The following PDE4D variants were observed in gnomAD, a reference collection of about 807,000 sequenced individuals.
The protein encoded by PDE4D is 3',5'-cyclic-AMP phosphodiesterase 4D.
PDE4D carries 24 observed loss-of-function variants against 87.4 expected under a neutral mutation model. The ratio of observed to expected loss-of-function variants is 0.27; its 90% CI spans 0.20 to 0.39. PDE4D has a LOEUF of 0.39. Ranked by LOEUF, PDE4D falls within the 10% of genes least tolerant of loss-of-function variation. The pLI, the probability that PDE4D is intolerant of heterozygous loss-of-function variation, is 1.00. For missense variants in PDE4D, 714 were observed against 1,041.0 expected (o/e 0.69, Z 4.32); for synonymous variants, 384 against 383.2 (o/e 1.00, Z -0.02).
chr5:59,032,538 C>G (rs1473379914), intron 6 of PDE4D, among the ~76,000 whole-genome samples: 1 of 152,214 alleles, frequency 6.6e-6, no homozygotes, highest in Non-Finnish European at 1.5e-5. Context: ...GAGATCGTAT[C>G]ACTGTACTCC....
chr5:59,640,091 G>A (rs920629243), intron 1 of PDE4D, among the ~76,000 whole-genome samples: 2 of 152,092 alleles, frequency 1.3e-5, no homozygotes, highest in African/African-American at 4.8e-5. Flanking sequence ...TCCCAGTGAA[G>A]AATAAACATC....
At chr5:59,793,991 C>T in intron 1 of PDE4D, among the ~76,000 whole-genome samples, 1 of 152,086 alleles carries the variant, frequency 6.6e-6, no homozygotes, top group Non-Finnish European at 1.5e-5. Flanking sequence ...TGGTATTTGC[C>T]AATATGGGAC....
intron 1 of PDE4D, among the ~76,000 whole-genome samples, chr5:59,330,530 G>A (rs1041147913): frequency 1.3e-5 from 2 of 152,004 alleles, no homozygotes; most frequent in African/African-American, 4.8e-5. Flanking sequence ...CTAATCTCAC[G>A]TATTCACACT....
At chr5:60,282,537 G>GAAACAAATA (rs1562285751) in intron 1 of PDE4D, among the ~76,000 whole-genome samples, 1 of 151,962 alleles carries the variant, frequency 6.6e-6, no homozygotes, top group Non-Finnish European at 1.5e-5. Flanking sequence ...GATTTCAAAT[G>GAAACAAATA]AAACAAATAA....
rs1212000629 is a variant in PDE4D at position 59,526,513 on chromosome 5, T to C, written c.456-310545A>G. Among the ~76,000 whole-genome samples, 3 of 152,236 alleles carry C rather than the reference T, an allele frequency of 2.0e-5. No homozygotes were observed. In the East Asian group the frequency reaches 5.8e-4, roughly 29 times the overall value. On this transcript the variant is annotated intron_variant, in intron 1 of 14. Coordinates refer to ENST00000340635, the MANE Select transcript of PDE4D (RefSeq NM_001104631.2). Reference sequence around the variant, plus strand: ...AAAGCCAAACTCATATATATTCTTATTATCTACAACAATTACTGTTTCAGG... The same window carrying C: ...AAAGCCAAACTCATATATATTCTTACTATCTACAACAATTACTGTTTCAGG...
chr5:60,038,180 T>C (rs1768031176), intron 2 of PDE4D, among the ~76,000 whole-genome samples: 1 of 152,226 alleles, frequency 6.6e-6, no homozygotes, highest in Non-Finnish European at 1.5e-5. Flanking sequence ...TTTGGTGTTT[T>C]AGACATGAAG....
chr5:60,497,420 T>C (rs1749865802), intron 1 of PDE4D, among the ~76,000 whole-genome samples: 1 of 152,128 alleles, frequency 6.6e-6, no homozygotes, highest in African/African-American at 2.4e-5. Flanking sequence ...TTTTTGTTTT[T>C]GAGGCAGGAT....
At chr5:59,838,517 T>G (rs752629743) in intron 1 of PDE4D, among the ~76,000 whole-genome samples, 5 of 152,104 alleles carry the variant, frequency 3.3e-5, no homozygotes, top group Non-Finnish European at 7.4e-5. Context: ...GGAGGCCTAC[T>G]TCCATCCTAC....
intron 1 of PDE4D, among the ~76,000 whole-genome samples, chr5:59,772,491 A>AT (rs1763677219): frequency 1.3e-5 from 2 of 152,150 alleles, no homozygotes; most frequent in South Asian, 2.1e-4. Flanking sequence ...AATTTGTGGG[A>AT]TTTTTTAGAT....
At chr5:59,397,126 T>TA (rs1789571503) in intron 1 of PDE4D, among the ~76,000 whole-genome samples, 1 of 124,234 alleles carries the variant, frequency 8.0e-6, no homozygotes, top group South Asian at 2.8e-4. Flanking sequence ...CACACATTAA[T>TA]AATGGGAGAC....
At chr5:59,502,732 T>G (rs2153665019) in intron 1 of PDE4D, among the ~76,000 whole-genome samples, 1 of 150,894 alleles carries the variant, frequency 6.6e-6, no homozygotes, top group East Asian at 2.0e-4. Context: ...ATCTCTTTTT[T>G]TGTAAAACTC....
chr5:59,882,519 T>C (rs768308004), intron 1 of PDE4D, among the ~76,000 whole-genome samples: 16 of 152,206 alleles, frequency 1.1e-4, no homozygotes, highest in Non-Finnish European at 2.1e-4. Flanking sequence ...ATTACTCTAA[T>C]TGCTTTCAGA....
intron 5 of PDE4D, among the ~76,000 whole-genome samples, chr5:59,170,467 T>C (rs570012114): frequency 6.6e-6 from 1 of 152,330 alleles, no homozygotes; most frequent in African/African-American, 2.4e-5. Flanking sequence ...GAAATATTGT[T>C]AGGGCGGGTC....
intron 1 of PDE4D, among the ~76,000 whole-genome samples, chr5:59,857,101 C>T (rs1478311019): frequency 6.6e-6 from 1 of 152,100 alleles, no homozygotes; most frequent in Non-Finnish European, 1.5e-5. Context: ...CATGAAATGC[C>T]CCGCAAGTGT....
chr5:59,338,263 T>C (rs1778076382), intron 1 of PDE4D, among the ~76,000 whole-genome samples: 2 of 152,152 alleles, frequency 1.3e-5, no homozygotes, highest in Admixed American at 1.3e-4. Flanking sequence ...GAGGCAAAAG[T>C]GGGATCTCAT....
rs1554041473 is a variant in PDE4D, at chr5:60,474,105, C to CATATATATATATATGTGT, written c.-90+13836_-90+13837insACACATATATATATATAT. ...TACTGTCTCAGTCCCTTTGAGCTGC[C>CATATATATATATATGTGT]ATATATATATATATATATATATATA... On this transcript the variant is annotated intron_variant, in intron 1 of 16. Coordinates refer to the PDE4D transcript ENST00000502484. Among the ~76,000 whole-genome samples the CATATATATATATATGTGT allele has an allele frequency of 4.2e-4, 13 of 30,994 alleles. No individual in the cohort carries two copies. The East Asian group carries it at 9.8e-3, about 23-fold the overall frequency. The allele number at this position is 30,994 out of a possible 152,430, so 20.3% of individuals were successfully genotyped here. A position where few individuals can be genotyped will look rare whatever the true frequency, so the allele number is the denominator to read the frequency against.
intron 1 of PDE4D, among the ~76,000 whole-genome samples, chr5:59,815,101 TAGAGA>T (rs1768829474): frequency 6.6e-6 from 1 of 152,126 alleles, no homozygotes; most frequent in African/African-American, 2.4e-5. Context: ...ATAATTGTGG[TAGAGA>T]AGAGATCTAG....
intron 1 of PDE4D, among the ~76,000 whole-genome samples, chr5:59,885,324 A>G (rs979117247): frequency 1.3e-5 from 2 of 152,070 alleles, no homozygotes; most frequent in Non-Finnish European, 2.9e-5. Flanking sequence ...TTAAATTTTA[A>G]GTCAAGTAAT....
At chr5:59,666,310 A>G (rs1746070003) in intron 1 of PDE4D, among the ~76,000 whole-genome samples, 1 of 152,166 alleles carries the variant, frequency 6.6e-6, no homozygotes, top group Non-Finnish European at 1.5e-5. Flanking sequence ...ATGGACTAAG[A>G]CATGACCTAC....
Sources: gnomAD v4.1 joint callset for allele counts (sites outside exome capture counted in the v4.1 genomes callset) on GRCh38, gnomAD v4.1.1 for gene constraint, MANE v1.5 for transcripts, NCBI Gene and HGNC (gene_info 2026-07-23, HGNC 2026-07-21) for gene names.